The following ARMC8 variants were observed in gnomAD, a reference collection of about 807,000 sequenced individuals.
The protein encoded by ARMC8 is armadillo repeat-containing protein 8.
Under a neutral mutation model 99.3 loss-of-function variants are expected in ARMC8, and 20 were observed. The ratio of observed to expected loss-of-function variants is 0.20; its 90% CI spans 0.14 to 0.29. The LOEUF is 0.29. Among genes scored for constraint, ARMC8 ranks in the 10% least tolerant of loss-of-function variants. The pLI, the probability that ARMC8 is intolerant of heterozygous loss-of-function variation, is 1.00. For missense variants in ARMC8, 569 were observed against 809.5 expected, an observed-to-expected ratio of 0.70 and a Z score of 3.60; for synonymous variants, 263 against 278.3, an observed-to-expected ratio of 0.95 and a Z score of 0.55.
intron 5 of ARMC8, among the ~76,000 whole-genome samples, chr3:138,228,441 A>T (rs1401277213): frequency 6.6e-6 from 1 of 152,228 alleles, no homozygotes; most frequent in African/African-American, 2.4e-5. Context: ...CTCGTCTTGT[A>T]CAGATTGAAA....
chr3:138,275,001 C>G (rs545176495), intron 18 of ARMC8, among the ~76,000 whole-genome samples: 106 of 152,306 alleles, frequency 7.0e-4, no homozygotes, highest in African/African-American at 2.4e-3. Flanking sequence ...TTCCTCATCC[C>G]ATAACCCTAC....
intron 16 of ARMC8, among the ~76,000 whole-genome samples, chr3:138,270,618 GATAA>G (rs1299081690): frequency 6.6e-6 from 1 of 152,094 alleles, no homozygotes; most frequent in Non-Finnish European, 1.5e-5. Flanking sequence ...TGTTTTGAAA[GATAA>G]ATAGATTGTG....
chr3:138,219,913 A>G (rs2045296642), intron 2 of ARMC8, among the ~76,000 whole-genome samples: 1 of 152,040 alleles, frequency 6.6e-6, no homozygotes, highest in Non-Finnish European at 1.5e-5. Flanking sequence ...AGATGTTTGG[A>G]ATGGGTTCAT....
In ARMC8 at chr3:138,264,191, T is replaced by C. The variant is rs1160885707; in HGVS notation, c.1278T>C (p.Ala426=). ...QQLRTSFQDH[A]VWKPLMKVLQ... ...TTCGAACCAGTTTCCAGGATCATGC[T>C]GTTTGGAAACCTTTAATGAAGGTAA... Residue 426 remains alanine, a synonymous_variant, in exon 14 of 22, where the codon GCT becomes GCC. Transcript: ENST00000469044. 1.9e-6 allele frequency: 3 copies of C among 1,613,936 alleles called. No homozygotes were observed. Among genetic ancestry groups the C allele is most frequent in the East Asian group, 4.5e-5 (2 of 44,874 alleles).
At chr3:138,205,296 G>T (rs1285843319) in intron 1 of ARMC8, among the ~76,000 whole-genome samples, 1 of 151,594 alleles carries the variant, frequency 6.6e-6, no homozygotes. Context: ...TGATCTGCCC[G>T]CCTCAGCCTC....
At chr3:138,294,106 A>G (rs571988321) in intron 21 of ARMC8, among the ~76,000 whole-genome samples, 3 of 152,324 alleles carry the variant, frequency 2.0e-5, no homozygotes, top group Middle Eastern at 3.4e-3. Context: ...TCTGAATAAG[A>G]TCCAGAAGGA....
In ARMC8 at chr3:138,245,148, T is replaced by A; in HGVS notation, c.1099T>A (p.Ser367Thr). 1 of 1,614,186 alleles carries A rather than the reference T, an allele frequency of 6.2e-7. No individual in the cohort carries two copies. The highest frequency in any genetic ancestry group is 8.5e-7 in the Non-Finnish European group (1 of 1,180,028). Residue 367 changes from serine to threonine, a missense_variant, in exon 12 of 22, where the codon TCT becomes ACT. Physicochemically the swap from Ser to Thr is moderately conservative, Grantham distance 58 (BLOSUM62 1). Transcript: ENST00000469044. ...CCAGGCTGCATTCAAGCTCTATGCC[T>A]CTCTTGGAGCAAATGATGAAGACAT... ...LRQAAFKLYA[S>T]LGANDEDIRK...
chr3:138,250,067 T>A (rs2047053799), intron 12 of ARMC8, among the ~76,000 whole-genome samples: 1 of 152,194 alleles, frequency 6.6e-6, no homozygotes, highest in Non-Finnish European at 1.5e-5. Flanking sequence ...TCACAGTGGC[T>A]TTATATGACA....
At position 138,260,742 on chromosome 3, in the gene ARMC8, A is replaced by G. The variant is rs545754403; in HGVS notation, c.1135-2997A>G. ...TTTACATCTTTGATTGAATGTAGCC[A>G]GGAAACCTTATCTAGAAACCTCTTT... On this transcript the variant is annotated intron_variant, in intron 12 of 21. Coordinates refer to ENST00000469044, the MANE Select transcript of ARMC8 (RefSeq NM_001363941.2). Among the ~76,000 whole-genome samples the G allele has an allele frequency of 4.6e-5, 7 of 152,338 alleles. No homozygotes were observed. In the East Asian group the frequency reaches 1.2e-3, roughly 25 times the overall value.
chr3:138,200,556 A>G (rs546388392), intron 1 of ARMC8, among the ~76,000 whole-genome samples: 7 of 152,268 alleles, frequency 4.6e-5, no homozygotes, highest in African/African-American at 7.2e-5. Context: ...CAGGACATCT[A>G]GCATCTTTAG....
intron 1 of ARMC8, among the ~76,000 whole-genome samples, chr3:138,190,151 T>C (rs1275855244): frequency 6.6e-6 from 1 of 152,174 alleles, no homozygotes; most frequent in Non-Finnish European, 1.5e-5. Flanking sequence ...TGCAAGTCCA[T>C]GTCTACTTAA....
chr3:138,232,343 A>C (rs1319528391), intron 6 of ARMC8, among the ~76,000 whole-genome samples: 1 of 152,170 alleles, frequency 6.6e-6, no homozygotes, highest in Non-Finnish European at 1.5e-5. Flanking sequence ...TTTTGTAACA[A>C]GTATTTGCTG....
chr3:138,285,430 T>G (rs185188970), intron 19 of ARMC8, among the ~76,000 whole-genome samples: 1 of 152,294 alleles, frequency 6.6e-6, no homozygotes, highest in Admixed American at 6.5e-5. Context: ...TATTCCTCTC[T>G]TCCTTTGTTC....
intron 12 of ARMC8, among the ~76,000 whole-genome samples, chr3:138,256,321 G>A (rs928227499): frequency 6.7e-6 from 1 of 149,034 alleles, no homozygotes; most frequent in Non-Finnish European, 1.5e-5. Flanking sequence ...TTTGCCATTT[G>A]TACCCCCAAC....
At chr3:138,221,738 A>G (rs1031214940) in intron 2 of ARMC8, among the ~76,000 whole-genome samples, 188 bp from the exon 3 acceptor site, 5 of 152,126 alleles carry the variant, frequency 3.3e-5, no homozygotes, top group East Asian at 1.9e-4. Flanking sequence ...ACTTTCTACA[A>G]TACGCCGTTT....
rs755505808 is a variant in ARMC8, at chr3:138,237,550, A to G, written c.754A>G (p.Met252Val). ...GTTACAGAGGGATAAGCCTATTGAG[A>G]TGCAGCTCACATCAGCAAAATGGTA... Reference protein sequence around the residue: ...KMLQRDKPIEMQLTSAKCLTY... With the variant: ...KMLQRDKPIEVQLTSAKCLTY... The change falls in exon 9 of 22, where the codon ATG (methionine) becomes GTG (valine). Residue 252 changes from methionine to valine, a missense_variant. By Grantham distance (21) the Met-to-Val change is conservative. Transcript: ENST00000469044. The G allele has an allele frequency of 1.2e-6, 2 of 1,613,212 alleles. No homozygotes were observed. The highest frequency in any genetic ancestry group is 1.7e-5 in the Admixed American group (1 of 60,012).
intron 18 of ARMC8, among the ~76,000 whole-genome samples, chr3:138,282,058 C>T (rs1177379012): frequency 6.6e-6 from 1 of 152,198 alleles, no homozygotes; most frequent in Admixed American, 6.5e-5. Flanking sequence ...TGCCCCCGCT[C>T]CTACTTCTCA....
intron 1 of ARMC8, among the ~76,000 whole-genome samples, chr3:138,208,892 T>C (rs2044540862): frequency 6.6e-6 from 1 of 152,256 alleles, no homozygotes; most frequent in South Asian, 2.1e-4. Context: ...GTCTTCCCTT[T>C]GTACTCTTTC....
chr3:138,195,370 C>T (rs533270057), intron 1 of ARMC8, among the ~76,000 whole-genome samples: 1 of 151,552 alleles, frequency 6.6e-6, no homozygotes, highest in African/African-American at 2.4e-5. Context: ...TCTTTAATGG[C>T]AGTGTGTGAA....
Sources: allele counts gnomAD v4.1 joint callset (sites outside exome capture counted in the v4.1 genomes callset), GRCh38; gene constraint gnomAD v4.1.1; transcripts MANE v1.5; gene names NCBI Gene and HGNC (gene_info 2026-07-23, HGNC 2026-07-21).